Variants in IFNAR2 observed in about 807,000 individuals in gnomAD.
IFNAR2 encodes the protein interferon alpha/beta receptor 2.
Under a neutral mutation model 49.4 loss-of-function variants are expected in IFNAR2, and 30 were observed. The ratio of observed to expected loss-of-function variants is 0.61; its 90% confidence interval spans 0.45 to 0.82. The LOEUF (loss-of-function observed/expected upper bound fraction) is 0.82, where lower values mean the gene tolerates loss of function less well. Ranked by LOEUF, IFNAR2 falls within the 40% of genes least tolerant of loss-of-function variation. IFNAR2 has a pLI of 0.00. For missense variants in IFNAR2, 600 were observed against 622.7 expected, an observed-to-expected ratio of 0.96 and a Z score of 0.39; for synonymous variants, 224 against 234.5, an observed-to-expected ratio of 0.96 and a Z score of 0.41.
chr21:33,248,153 G>A (rs900836817), intron 5 of IFNAR2, among the ~76,000 whole-genome samples: 22 of 152,144 alleles, frequency 1.4e-4, no homozygotes, highest in African/African-American at 4.1e-4. Flanking sequence ...TTGGCAGCAT[G>A]TATTAAAAAC....
chr21:33,249,100 T>G, intron 6 of IFNAR2, among the ~76,000 whole-genome samples: 1 of 152,030 alleles, frequency 6.6e-6, no homozygotes. Context: ...TCCCAGCACT[T>G]TGGGAGGCCG....
intron 1 of IFNAR2, among the ~76,000 whole-genome samples, chr21:33,237,652 A>G (rs547631414): frequency 2.6e-5 from 4 of 152,212 alleles, no homozygotes; most frequent in Non-Finnish European, 5.9e-5. Context: ...ACACATCAAG[A>G]TATCTCAGCA....
rs557176107 is a variant in IFNAR2 at position 33,230,307 on chromosome 21, C to T, written c.-84+91C>T. ...CCTCCCTGCAGCGGTTCCCGGAATC[C>T]CCTCCGGTTCCCTCTCGCTCTCCCC... On this transcript the variant is annotated intron_variant, in intron 1 of 8. Transcript: ENST00000342136. This position sits in a 1 kb window ranked among gnomAD's most constrained non-coding sequence, Gnocchi z 5.5. 2.3e-4 allele frequency: 229 copies of T among 1,001,070 alleles called. No homozygotes were observed. In the African/African-American group the frequency reaches 3.9e-3, roughly 17 times the overall value. The allele number at this position is 1,001,070 out of a possible 1,614,324, so 62.0% of individuals were successfully genotyped here.
chr21:33,262,402 T>C (rs1988660663), intron 8 of IFNAR2, among the ~76,000 whole-genome samples: 1 of 149,218 alleles, frequency 6.7e-6, no homozygotes. Context: ...GCATACCTCA[T>C]AGAGCAGTTG....
intron 3 of IFNAR2, 126 bp downstream of exon 3, chr21:33,243,840 A>T: frequency 1.3e-6 from 1 of 780,474 alleles, no homozygotes; most frequent in Non-Finnish European, 2.3e-6. Flanking sequence ...TTTTATTGGG[A>T]TTCTTTCTCT....
intron 7 of IFNAR2, among the ~76,000 whole-genome samples, chr21:33,256,951 T>C (rs1397193997): frequency 6.6e-6 from 1 of 152,210 alleles, no homozygotes; most frequent in Non-Finnish European, 1.5e-5. Flanking sequence ...GTGTCTTGAT[T>C]TGCATTTGCT....
In IFNAR2 at chr21:33,230,332, C is replaced by G. The variant is rs1367797579; in HGVS notation, c.-84+116C>G. 30 of 865,792 alleles carry G rather than the reference C, an allele frequency of 3.5e-5. No individual in the cohort carries two copies. The highest frequency in any genetic ancestry group is 3.9e-5 in the Non-Finnish European group (26 of 662,018). The allele number at this position is 865,792 out of a possible 1,614,324, so 53.6% of individuals were successfully genotyped here. A position where few individuals can be genotyped will look rare whatever the true frequency, so the allele number is the denominator to read the frequency against. ...CCCTCCGGTTCCCTCTCGCTCTCCC[C>G]GACTCCTCCTCCTCCTCCTGCCCTC... On this transcript the variant is annotated intron_variant, in intron 1 of 8. Coordinates refer to ENST00000342136, the MANE Select transcript of IFNAR2 (RefSeq NM_001289125.3). The surrounding 1 kb of genome is among the most constrained non-coding windows in gnomAD (Gnocchi z 5.5).
intron 7 of IFNAR2, among the ~76,000 whole-genome samples, chr21:33,255,101 A>G (rs1411382887): frequency 2.6e-5 from 4 of 152,348 alleles, no homozygotes; most frequent in Middle Eastern, 3.4e-3. Context: ...AAACATGTCA[A>G]ACACCTTTAG....
chr21:33,250,267 C>G (rs1987747924), intron 6 of IFNAR2, among the ~76,000 whole-genome samples: 1 of 152,096 alleles, frequency 6.6e-6, no homozygotes, highest in Non-Finnish European at 1.5e-5. Flanking sequence ...AATCATGTCT[C>G]GTTTGTGTTC....
intron 4 of IFNAR2, 141 bp from the exon 5 acceptor site, chr21:33,246,577 A>G (rs752234435): frequency 1.6e-5 from 10 of 637,560 alleles, no homozygotes; most frequent in East Asian, 2.8e-5. Context: ...TCCATTTTCA[A>G]TAAGATGGTT....
At position 33,263,659 on chromosome 21, in the gene IFNAR2, C is replaced by G. The variant is rs937583636; in HGVS notation, c.*159C>G. 1.6e-6 allele frequency: 1 copy of G among 639,436 alleles called. No homozygotes were observed. The highest frequency in any genetic ancestry group is 3.0e-5 in the Admixed American group (1 of 33,856). The allele number at this position is 639,436 out of a possible 1,614,324, so 39.6% of individuals were successfully genotyped here. ...CCAGGTGACATCACCTATGCACATT[C>G]CCAGTATGGGGACCATAGTATCATT... On this transcript the variant is annotated 3_prime_UTR_variant, in exon 9 of 9. Transcript: ENST00000342136.
intron 5 of IFNAR2, among the ~76,000 whole-genome samples, chr21:33,247,685 C>CTTCT (rs527753241): frequency 6.6e-6 from 1 of 152,220 alleles, no homozygotes; most frequent in Non-Finnish European, 1.5e-5. Flanking sequence ...AGGCCTACCC[C>CTTCT]TTCTTTCTTT....
chr21:33,260,225 C>T (rs1256602583), intron 7 of IFNAR2, among the ~76,000 whole-genome samples: 2 of 152,172 alleles, frequency 1.3e-5, no homozygotes, highest in African/African-American at 2.4e-5. Context: ...CTGCCCGCAG[C>T]GCATGCTAAC....
At chr21:33,231,064 G>T (rs1986026527) in intron 1 of IFNAR2, among the ~76,000 whole-genome samples, 1 of 151,922 alleles carries the variant, frequency 6.6e-6, no homozygotes, top group African/African-American at 2.4e-5. Context: ...AATATAGCAT[G>T]CTTGGGCGTT....
chr21:33,248,925 G>A, intron 6 of IFNAR2, 71 bp downstream of exon 6: 1 of 1,146,856 alleles, frequency 8.7e-7, no homozygotes, highest in Non-Finnish European at 1.2e-6. Context: ...TGTCTCTTTT[G>A]AAAGGAAATT....
chr21:33,233,762 T>A (rs1041022780), intron 1 of IFNAR2, among the ~76,000 whole-genome samples: 1 of 152,162 alleles, frequency 6.6e-6, no homozygotes, highest in East Asian at 1.9e-4. Flanking sequence ...AATTAAGAGA[T>A]AAATCAAAAT....
In IFNAR2 at chr21:33,260,738, T is replaced by TTTTTG. The variant is rs1172720371; in HGVS notation, c.840+26_840+30dup. On this transcript the variant is annotated intron_variant, in intron 8 of 8. Coordinates refer to ENST00000342136, the MANE Select transcript of IFNAR2 (RefSeq NM_001289125.3). ...CTCCCCAAAGTCTTGGTAGGTAGTT[T>TTTTTG]TTTTGTTTTGTTTTGTTTTTTCTAT... The TTTTTG allele has an allele frequency of 2.0e-6, 3 of 1,482,600 alleles. No individual in the cohort carries two copies. Among genetic ancestry groups the TTTTTG allele is most frequent in the Non-Finnish European group, 2.7e-6 (3 of 1,117,562 alleles). 91.8% of individuals were successfully genotyped at this position (1,482,600 alleles called of 1,614,324 possible).
chr21:33,261,335 C>T (rs1988558397), intron 8 of IFNAR2, among the ~76,000 whole-genome samples: 1 of 151,944 alleles, frequency 6.6e-6, no homozygotes, highest in African/African-American at 2.4e-5. Context: ...CTGCACTCAG[C>T]AATGTTTTGT....
intron 5 of IFNAR2, among the ~76,000 whole-genome samples, chr21:33,247,215 C>G (rs1987489146): frequency 6.7e-6 from 1 of 149,538 alleles, no homozygotes; most frequent in African/African-American, 2.5e-5. Context: ...GCGCTCTCAT[C>G]TCTCTGGCCC....
Sources: gnomAD v4.1 joint callset for allele counts (sites outside exome capture counted in the v4.1 genomes callset) on GRCh38, gnomAD v4.1.1 for gene constraint, Gnocchi (gnomAD v3.1) non-coding constraint, MANE v1.5 for transcripts, NCBI Gene and HGNC (gene_info 2026-07-23, HGNC 2026-07-21) for gene names.